The following TRIML1 variants were observed in gnomAD, a reference collection of about 807,000 sequenced individuals.
The protein encoded by TRIML1 is tripartite motif family like 1.
A neutral mutation model predicts 32.3 loss-of-function variants in TRIML1; 34 were observed. The ratio of observed to expected loss-of-function variants is 1.05; its 90% confidence interval spans 0.80 to 1.40. The LOEUF (loss-of-function observed/expected upper bound fraction) is 1.40, where lower values mean the gene tolerates loss of function less well. Among genes scored for constraint, TRIML1 ranks in the 40% most tolerant of loss-of-function variants. TRIML1 has a pLI of 0.00. For missense variants in TRIML1, 595 were observed against 574.9 expected (o/e 1.03, Z -0.36); for synonymous variants, 244 against 226.6 (o/e 1.08, Z -0.69).
chr4:188,138,579 GCA>G (rs1429104916), upstream of TRIML1, among the ~76,000 whole-genome samples: 2 of 152,060 alleles, frequency 1.3e-5, no homozygotes, highest in Non-Finnish European at 2.9e-5. Context: ...AGTTCACTGT[GCA>G]CAGTCTCCAC....
chr4:188,143,951 G>T (rs1432799192), intron 4 of TRIML1, 85 bp from the exon 5 acceptor site: 1 of 1,605,446 alleles, frequency 6.2e-7, no homozygotes, highest in Non-Finnish European at 8.5e-7. Flanking sequence ...CTGCGCTGTT[G>T]CTGGGGGAGA....
At chr4:188,144,903 CT>C (rs1405216755) in intron 5 of TRIML1, among the ~76,000 whole-genome samples, 1 of 152,118 alleles carries the variant, frequency 6.6e-6, no homozygotes, top group Non-Finnish European at 1.5e-5. Flanking sequence ...CAGCTTTTAT[CT>C]TGTGGACAAT....
chr4:188,148,766 C>T (rs1354541077), downstream of TRIML1, among the ~76,000 whole-genome samples: 1 of 151,858 alleles, frequency 6.6e-6, no homozygotes, highest in Non-Finnish European at 1.5e-5. Context: ...TCATTCCCGG[C>T]TAGTTTTTAT....
intron 1 of TRIML1, 52 bp downstream of exon 1, chr4:188,140,018 T>C (rs747756814): frequency 3.9e-6 from 6 of 1,529,268 alleles, no homozygotes; most frequent in Non-Finnish European, 5.3e-6. Context: ...CTAACTCCGT[T>C]AGCTTTCCTG....
In TRIML1 at chr4:188,140,602, GGA is replaced by G; in HGVS notation, c.489_490del (p.Arg163SerfsTer12). The G allele has an allele frequency of 1.2e-6, 2 of 1,613,850 alleles. No individual in the cohort carries two copies. The highest frequency in any genetic ancestry group is 1.7e-6 in the Non-Finnish European group (2 of 1,179,792). On this transcript the variant is annotated frameshift_variant, in exon 2 of 6. Transcript: ENST00000332517. LOFTEE classifies it high-confidence loss of function. Reference sequence around the variant, plus strand: ...CTCAGGCTGTACTAACCCATGAGAAGGAGAGAGTGAAACTGTGCCAGGTCGGT... The same window carrying G: ...CTCAGGCTGTACTAACCCATGAGAAGGAGAGTGAAACTGTGCCAGGTCGGT... ...EAQAVLTHEK[E>X]RVKLCQEETK...
chr4:188,147,145 C>A lies in TRIML1; in HGVS notation c.1180C>A (p.Pro394Thr). ...GDDYSLWVSS[P>T]LKGQHVREPV... ...TGATTACAGCCTCTGGGTCTCGTCA[C>A]CTTTGAAAGGTCAGCACGTCAGAGA... is the stretch of plus-strand genomic sequence containing the variant. The change falls in exon 6 of 6, where the codon CCT becomes ACT. Residue 394 changes from proline (P) to threonine (T), a missense_variant. Pro to Thr is a conservative substitution (Grantham distance 38, BLOSUM62 -1). Transcript: ENST00000332517. The A allele has an allele frequency of 1.9e-6, 3 of 1,614,056 alleles. No homozygotes were observed. The highest frequency in any genetic ancestry group is 2.2e-5 in the East Asian group (1 of 44,882).
rs757369740 is a variant in TRIML1, at chr4:188,147,223, T to C, written c.1258T>C (p.Phe420Leu). Residue 420 changes from phenylalanine (F) to leucine (L), a missense_variant, in exon 6 of 6, where the codon TTC (phenylalanine) becomes CTC (leucine). By Grantham distance (22) the Phe-to-Leu change is conservative. Coordinates refer to ENST00000332517, the MANE Select transcript of TRIML1 (RefSeq NM_178556.5). ...FLDYESGHIAFYNGTDESLIY... is the reference protein window; with the variant it reads ...FLDYESGHIALYNGTDESLIY... ...GGACTATGAATCTGGACATATAGCA[T>C]TCTACAACGGGACGGATGAATCCCT... 17 of 1,612,786 alleles carry C rather than the reference T, an allele frequency of 1.1e-5. No individual in the cohort carries two copies. The highest frequency in any genetic ancestry group is 1.4e-5 in the Non-Finnish European group (17 of 1,179,470).
In TRIML1 at chr4:188,147,448, C is replaced by G. The variant is rs1054114552; in HGVS notation, c.*76C>G. 6.1e-6 allele frequency: 8 copies of G among 1,302,592 alleles called. No individual in the cohort carries two copies. The East Asian group carries it at 1.0e-4, about 17-fold the overall frequency. 80.7% of individuals were successfully genotyped at this position (1,302,592 alleles called of 1,614,324 possible). ...ACTATTAAGACGATGAAGGCATCGACAGTATTAATGTCAGGTGATCTGAAA... is the reference window on the plus strand; with the variant it reads ...ACTATTAAGACGATGAAGGCATCGAGAGTATTAATGTCAGGTGATCTGAAA... On this transcript the variant is annotated 3_prime_UTR_variant, in exon 6 of 6. Transcript: ENST00000332517.
chr4:188,148,938 T>A (rs1735180359), downstream of TRIML1, among the ~76,000 whole-genome samples: 1 of 90,354 alleles, frequency 1.1e-5, no homozygotes, highest in African/African-American at 4.6e-5. Context: ...TGAGACGGAG[T>A]AGTCTTGCTC....
chr4:188,148,071 A>G (rs941143853), downstream of TRIML1, among the ~76,000 whole-genome samples: 1 of 152,222 alleles, frequency 6.6e-6, no homozygotes, highest in African/African-American at 2.4e-5. Flanking sequence ...TAAATGTATC[A>G]TGACACGGGA....
intron 5 of TRIML1, 69 bp downstream of exon 5, chr4:188,144,202 TCAGA>T (rs1734971980): frequency 4.4e-6 from 6 of 1,354,702 alleles, no homozygotes; most frequent in Middle Eastern, 1.8e-4. Context: ...TCTTCCAGTG[TCAGA>T]CATTCACGAT....
Position 188,147,134 on chromosome 4 carries a change from G to C in TRIML1, c.1169G>C (p.Trp390Ser). Residue 390 changes from tryptophan to serine, a missense_variant, in exon 6 of 6, where the codon TGG becomes TCG. By Grantham distance (177) the Trp-to-Ser change is radical (BLOSUM62 -3). Transcript: ENST00000332517. Reference sequence around the variant, plus strand: ...AAAATCGGAGATGATTACAGCCTCTGGGTCTCGTCACCTTTGAAAGGTCAG... The same window carrying C: ...AAAATCGGAGATGATTACAGCCTCTCGGTCTCGTCACCTTTGAAAGGTCAG... ...GLKIGDDYSL[W>S]VSSPLKGQHV... The C allele has an allele frequency of 5.6e-6, 9 of 1,614,064 alleles. No individual in the cohort carries two copies. Among genetic ancestry groups the C allele is most frequent in the Non-Finnish European group, 7.6e-6 (9 of 1,180,016 alleles).
upstream of TRIML1, chr4:188,139,404 C>A: frequency 1.4e-6 from 1 of 708,324 alleles, no homozygotes; most frequent in Middle Eastern, 3.9e-4. Context: ...TGTATGTCAG[C>A]TGGTGAAATC....
At chr4:188,144,780 G>A (rs7694050) in intron 5 of TRIML1, among the ~76,000 whole-genome samples, 78,126 of 151,890 alleles carry the variant, frequency 0.51, 21,303 homozygotes, top group Non-Finnish European at 0.61. Flanking sequence ...CCGTTAGGAT[G>A]AAAGCTGACT....
Position 188,142,428 on chromosome 4 carries a change from A to T in TRIML1, c.681A>T (p.Lys227Asn). 6.2e-7 allele frequency: 1 copy of T among 1,613,918 alleles called. No homozygotes were observed. Among genetic ancestry groups the T allele is most frequent in the Non-Finnish European group, 8.5e-7 (1 of 1,179,998 alleles). The change falls in exon 3 of 6, where the codon AAA becomes AAT. Residue 227 changes from lysine (K) to asparagine (N), a missense_variant. Coordinates refer to ENST00000332517, the MANE Select transcript of TRIML1 (RefSeq NM_178556.5). ...CCCAGCAAATCAGAAGCCTAAGCAA[A>T]ATGATCGCACAGATTGAGTCCTCAA... ...KLTQQIRSLS[K>N]MIAQIESSSQ... is the part of the protein sequence containing the mutation.
At chr4:188,140,214 A>G (rs1405638678) in intron 1 of TRIML1, among the ~76,000 whole-genome samples, 1 of 150,266 alleles carries the variant, frequency 6.7e-6, no homozygotes, top group Non-Finnish European at 1.5e-5. Context: ...TCCGCCTCCC[A>G]GGTTCACGCC....
intron 1 of TRIML1, 133 bp downstream of exon 1, chr4:188,140,099 G>A (rs1295598626): frequency 2.1e-6 from 2 of 954,376 alleles, no homozygotes; most frequent in Non-Finnish European, 3.1e-6. Context: ...AAACTGGCGT[G>A]GGTCCAGTTT....
At chr4:188,137,884 A>G (rs1734709018), upstream of TRIML1, among the ~76,000 whole-genome samples, 1 of 148,400 alleles carries the variant, frequency 6.7e-6, no homozygotes. Flanking sequence ...AACTGCTGGG[A>G]TTACAGATGT....
chr4:188,139,319 C>A, upstream of TRIML1: 1 of 400,104 alleles, frequency 2.5e-6, no homozygotes, highest in Non-Finnish European at 4.4e-6. Flanking sequence ...AGATAAGTCT[C>A]AAAGTTTGGG....
Sources: gnomAD v4.1 joint callset for allele counts (sites outside exome capture counted in the v4.1 genomes callset) on GRCh38, gnomAD v4.1.1 for gene constraint, MANE v1.5 for transcripts, NCBI Gene and HGNC (gene_info 2026-07-23, HGNC 2026-07-21) for gene names.